SI: variants seen among roughly 807,000 people sequenced by gnomAD.
The protein encoded by SI is sucrase-isomaltase.
Under a neutral mutation model 253.3 loss-of-function variants are expected in SI, and 235 were observed. The observed-to-expected ratio is 0.93, with a 90% CI of 0.83 to 1.03. The LOEUF (loss-of-function observed/expected upper bound fraction) is 1.03. Among genes scored for constraint, SI ranks in the 50% least tolerant of loss-of-function variants. The pLI is 0.00. For synonymous variants in SI, 819 were observed against 712.0 expected, an observed-to-expected ratio of 1.15 and a Z score of -2.39; for missense variants, 2,442 against 2,211.1, an observed-to-expected ratio of 1.10 and a Z score of -2.09.
intron 7 of SI, among the ~76,000 whole-genome samples, chr3:165,064,225 T>C (rs1714116662): frequency 6.6e-6 from 1 of 152,042 alleles, no homozygotes; most frequent in Non-Finnish European, 1.5e-5. Context: ...TAGTAGTCTG[T>C]TTCTTGAGAG....
At position 165,036,461 on chromosome 3, in the gene SI, C is replaced by T; in HGVS notation, c.2443G>A (p.Gly815Arg). Residue 815 changes from glycine to arginine, a missense_variant, in exon 22 of 48, where the codon GGA becomes AGA. Gly to Arg is a moderately radical substitution (Grantham distance 125). Transcript: ENST00000264382. ...TTTTCACCTAATGCGACTATAAGTC[C>T]TAGAGGATTCTTACGGCTGTTAAGA... is the stretch of plus-strand genomic sequence containing the variant. Reference protein sequence around the residue: ...TTTASRKNPLGLIVALGENNT... With the variant: ...TTTASRKNPLRLIVALGENNT... The T allele has an allele frequency of 6.2e-7, 1 of 1,610,620 alleles. No homozygotes were observed. The highest frequency in any genetic ancestry group is 8.5e-7 in the Non-Finnish European group (1 of 1,177,802).
chr3:165,003,723 A>G (rs891548019), intron 37 of SI, among the ~76,000 whole-genome samples: 1 of 152,124 alleles, frequency 6.6e-6, no homozygotes, highest in Admixed American at 6.6e-5. Context: ...AAATATTCAG[A>G]TGCTTAGGCT....
rs1711747717 is a variant in SI at position 165,023,646 on chromosome 3, A to T, written c.3023T>A (p.Ile1008Lys). ...TGAGATGGGGTCAGAAGGTAACTTTATTCTGGCATTTGCAGTATTTAGTTG... is the reference window on the plus strand; with the variant it reads ...TGAGATGGGGTCAGAAGGTAACTTTTTTCTGGCATTTGCAGTATTTAGTTG... ...DLQLNTANAR[I>K]KLPSDPISTL... is the part of the protein sequence containing the mutation. The change falls in exon 26 of 48, where the codon ATA becomes AAA. Residue 1008 changes from isoleucine to lysine, a missense_variant. Coordinates refer to ENST00000264382, the MANE Select transcript of SI (RefSeq NM_001041.4). 1 of 1,610,908 alleles carries T rather than the reference A, an allele frequency of 6.2e-7. No individual in the cohort carries two copies. The highest frequency in any genetic ancestry group is 1.1e-5 in the South Asian group (1 of 91,060).
chr3:164,994,219 ATC>A lies in SI; in HGVS notation c.4841+36_4841+37del, dbSNP rs757643294. ...TCATTGGGTAAATTAAGTGAAAAGT[ATC>A]TCTCTGTGATAAGAGAAAACAAACT... On this transcript the variant is annotated intron_variant, in intron 41 of 47. Transcript: ENST00000264382. 7 of 1,576,872 alleles carry A rather than the reference ATC, an allele frequency of 4.4e-6. No homozygotes were observed. The African/African-American group carries it at 6.8e-5, about 15-fold the overall frequency.
chr3:165,083,060 T>C (rs117335870), upstream of SI, among the ~76,000 whole-genome samples: 45 of 152,046 alleles, frequency 3.0e-4, 1 homozygote, highest in East Asian at 7.2e-3. Flanking sequence ...TCATTGGTAA[T>C]AAAACAGCAA....
At chr3:165,068,617 C>T in intron 5 of SI, 105 bp downstream of exon 5, 1 of 802,438 alleles carries the variant, frequency 1.2e-6, no homozygotes, top group Non-Finnish European at 2.2e-6. Context: ...TTGTGATCCG[C>T]CCACGTCAGC....
chr3:164,989,754 A>G (rs1296935478), intron 44 of SI, among the ~76,000 whole-genome samples: 1 of 152,202 alleles, frequency 6.6e-6, no homozygotes, highest in Non-Finnish European at 1.5e-5. Flanking sequence ...TTCAGTGCTA[A>G]AAAGAAATGA....
Position 165,002,235 on chromosome 3 carries a change from A to C in SI, c.4407-3562T>G, listed in dbSNP as rs62280925. Among the ~76,000 whole-genome samples the C allele has an allele frequency of 4.9e-3, 737 of 151,852 alleles. 2 individuals are homozygous for C. Among genetic ancestry groups the C allele is most frequent in the Non-Finnish European group, 9.1e-3 (617 of 67,688 alleles). On this transcript the variant is annotated intron_variant, in intron 37 of 47. Coordinates refer to ENST00000264382, the MANE Select transcript of SI (RefSeq NM_001041.4). ...GATTTTTGAATGTATTTCTTTCTAC[A>C]TTTGAAGAATAGGCTTTATTTCAAT...
rs779574693 is a variant in SI at position 165,032,517 on chromosome 3, A to T, written c.2736+5T>A. On this transcript the variant is annotated splice_donor_5th_base_variant and intron_variant, in intron 24 of 47. Transcript: ENST00000264382. ...AGCTAAAATATTTTAAAAGATTGTA[A>T]TTACCTGGTTAGAAGCATCATAAGT... 5.1e-6 allele frequency: 8 copies of T among 1,583,720 alleles called. No homozygotes were observed. The highest frequency in any genetic ancestry group is 1.4e-5 in the African/African-American group (1 of 74,018).
At chr3:165,065,474 T>G (rs375190554) in intron 6 of SI, 42 bp from the exon 7 acceptor site, 9,902 of 212,212 alleles carry the variant, frequency 0.047, 719 homozygotes, top group South Asian at 0.096. Context: ...AATATATATA[T>G]ATATATATAT....
chr3:165,046,897 G>C lies in SI; in HGVS notation c.1831C>G (p.Gln611Glu). 3 of 1,613,206 alleles carry C rather than the reference G, an allele frequency of 1.9e-6. No homozygotes were observed. The highest frequency in any genetic ancestry group is 8.5e-7 in the Non-Finnish European group (1 of 1,179,522). The change falls in exon 16 of 48, where the codon CAA becomes GAA. Residue 611 changes from glutamine (Q) to glutamate (E), a missense_variant. Coordinates refer to ENST00000264382, the MANE Select transcript of SI (RefSeq NM_001041.4). The stretch of plus-strand genomic sequence containing the variant: ...ATTCCAGTTATAGACCATTCCATTT[G>C]TTCCCATGAAGCAGTATTGTCTCCT... ...WLGDNTASWE[Q>E]MEWSITGMLE...
rs1366230349 is a variant in SI at position 164,979,312 on chromosome 3, C to G, written c.*50G>C. The stretch of plus-strand genomic sequence containing the variant: ...AGGGAAAATTGTAAGTGCTGTGAAA[C>G]TTAAATCCTGGTGTTTTTTCCCATT... On this transcript the variant is annotated 3_prime_UTR_variant, in exon 48 of 48. Coordinates refer to ENST00000264382, the MANE Select transcript of SI (RefSeq NM_001041.4). 3 of 1,091,124 alleles carry G rather than the reference C, an allele frequency of 2.7e-6. No homozygotes were observed. Among genetic ancestry groups the G allele is most frequent in the South Asian group, 2.5e-5 (2 of 80,790 alleles). The allele number at this position is 1,091,124 out of a possible 1,614,324, so 67.6% of individuals were successfully genotyped here. A position where few individuals can be genotyped will look rare whatever the true frequency, so the allele number is the denominator to read the frequency against.
the SI span, among the ~76,000 whole-genome samples, chr3:165,088,769 A>T: frequency 6.6e-6 from 1 of 151,118 alleles, no homozygotes; most frequent in African/African-American, 2.4e-5. Flanking sequence ...TTTTTTTTTT[A>T]AACCTTTTAA....
Position 165,037,881 on chromosome 3 carries a change from TA to T in SI, c.2426+18del. On this transcript the variant is annotated intron_variant, in intron 21 of 47. Transcript: ENST00000264382. ...TTTGAATTTTATTTTAGATTTCAAC[TA>T]ATGATTTTTCATTTTACCTTGCTGT... 6.6e-7 allele frequency: 1 copy of T among 1,514,956 alleles called. No individual in the cohort carries two copies. The highest frequency in any genetic ancestry group is 9.1e-7 in the Non-Finnish European group (1 of 1,095,052). 93.8% of individuals were successfully genotyped at this position (1,514,956 alleles called of 1,614,324 possible).
At chr3:165,021,954 A>C (rs1311401030) in intron 26 of SI, among the ~76,000 whole-genome samples, 1 of 151,494 alleles carries the variant, frequency 6.6e-6, no homozygotes, top group Non-Finnish European at 1.5e-5. Flanking sequence ...AAAAGCATTT[A>C]TTTTTCATTG....
chr3:165,060,173 G>A (rs1713917358), intron 9 of SI, 146 bp from the exon 10 acceptor site: 2 of 697,708 alleles, frequency 2.9e-6, no homozygotes, highest in Non-Finnish European at 4.7e-6. Flanking sequence ...GTGTTACCTG[G>A]ATTCTAAACA....
chr3:165,015,323 C>T, intron 32 of SI, 90 bp from the exon 33 acceptor site: 1 of 823,928 alleles, frequency 1.2e-6, no homozygotes, highest in Non-Finnish European at 2.1e-6. Context: ...TTCATTACTA[C>T]ATTATCATAA....
At chr3:165,040,842 G>A (rs13099130) in intron 18 of SI, 98 bp downstream of exon 18, 576,153 of 957,962 alleles carry the variant, frequency 0.6, 175,458 homozygotes, top group East Asian at 0.83. Context: ...AGCAGCAGAA[G>A]TTTAATTGAT....
intron 34 of SI, among the ~76,000 whole-genome samples, chr3:165,010,768 G>T (rs1001422546): frequency 1.3e-5 from 2 of 152,062 alleles, no homozygotes; most frequent in African/African-American, 4.8e-5. Flanking sequence ...CAACACTGTT[G>T]ATACCTTTTG....
Sources: gnomAD v4.1 joint callset for allele counts (sites outside exome capture counted in the v4.1 genomes callset) on GRCh38, gnomAD v4.1.1 for gene constraint, MANE v1.5 for transcripts, NCBI Gene and HGNC (gene_info 2026-07-23, HGNC 2026-07-21) for gene names.